Variants in PPARGC1A observed in about 807,000 individuals in gnomAD.
The protein encoded by PPARGC1A is peroxisome proliferator-activated receptor gamma coactivator 1-alpha.
A neutral mutation model predicts 88.7 loss-of-function variants in PPARGC1A; 25 were observed. The observed-to-expected ratio is 0.28, with a 90% CI of 0.21 to 0.39. The LOEUF (loss-of-function observed/expected upper bound fraction) is 0.39, where lower values mean the gene tolerates loss of function less well. PPARGC1A is among the 10% of genes least tolerant of loss of function. The pLI is 1.00. For missense variants in PPARGC1A, 880 were observed against 968.7 expected (o/e 0.91, Z 1.22); for synonymous variants, 363 against 355.6 (o/e 1.02, Z -0.24).
the PPARGC1A span, among the ~76,000 whole-genome samples, chr4:24,268,042 T>C: frequency 6.6e-6 from 1 of 152,236 alleles, no homozygotes. Context: ...ATCTCTGTGA[T>C]GTTGGAAGCA....
the PPARGC1A span, among the ~76,000 whole-genome samples, chr4:24,003,273 A>G: frequency 3.3e-5 from 5 of 152,266 alleles, no homozygotes; most frequent in South Asian, 6.2e-4. Flanking sequence ...AAGTTTTCTT[A>G]CCCTCCAAGT....
chr4:24,383,547 T>G, the PPARGC1A span, among the ~76,000 whole-genome samples: 1 of 152,044 alleles, frequency 6.6e-6, no homozygotes, highest in Non-Finnish European at 1.5e-5. Flanking sequence ...CTGATGGAGC[T>G]GAAAAACACA....
At chr4:23,881,418 C>T (rs1715913173) in intron 2 of PPARGC1A, 1 of 152,096 alleles carries the variant, frequency 6.6e-6, no homozygotes, top group Non-Finnish European at 1.5e-5. Context: ...CTGCCACCAC[C>T]CAGAATTCCC....
At chr4:24,136,494 C>A in the PPARGC1A span, among the ~76,000 whole-genome samples, 2 of 152,220 alleles carry the variant, frequency 1.3e-5, no homozygotes, top group East Asian at 3.9e-4. Context: ...TGAAGAGCCA[C>A]AAGAATAGCG....
chr4:24,263,904 C>T, the PPARGC1A span, among the ~76,000 whole-genome samples: 1,206 of 152,148 alleles, frequency 7.9e-3, 7 homozygotes, highest in Middle Eastern at 0.014. Context: ...TGTGCCCTAC[C>T]ATGCCCAGCT....
the PPARGC1A span, among the ~76,000 whole-genome samples, chr4:24,208,673 C>CAAA: frequency 9.4e-5 from 2 of 21,284 alleles, no homozygotes; most frequent in Non-Finnish European, 2.3e-4. Flanking sequence ...TCACCAAACT[C>CAAA]AGAAAAAAAA....
chr4:24,232,586 C>A, the PPARGC1A span, among the ~76,000 whole-genome samples: 1 of 152,196 alleles, frequency 6.6e-6, no homozygotes, highest in Admixed American at 6.5e-5. Flanking sequence ...CTGCTGGGAT[C>A]AATAAGCTGC....
At chr4:24,181,765 G>T in the PPARGC1A span, among the ~76,000 whole-genome samples, 1 of 152,208 alleles carries the variant, frequency 6.6e-6, no homozygotes, top group East Asian at 1.9e-4. Context: ...TAAAAGTAAA[G>T]TCCTACATGG....
the PPARGC1A span, among the ~76,000 whole-genome samples, chr4:24,412,340 ATTG>A: frequency 1.3e-5 from 2 of 152,096 alleles, no homozygotes; most frequent in Admixed American, 1.3e-4. Flanking sequence ...CCCACCACCT[ATTG>A]TTCCACAACC....
chr4:24,008,915 AAAATAT>A, the PPARGC1A span, among the ~76,000 whole-genome samples: 1 of 152,082 alleles, frequency 6.6e-6, no homozygotes, highest in Admixed American at 6.5e-5. Flanking sequence ...AGCAAAGATA[AAAATAT>A]GTGGGTTCTT....
At chr4:24,347,315 C>T in the PPARGC1A span, among the ~76,000 whole-genome samples, 866 of 152,248 alleles carry the variant, frequency 5.7e-3, 8 homozygotes, top group African/African-American at 0.02. Flanking sequence ...TCCATTGTTT[C>T]TTTGTTGACT....
chr4:24,160,142 A>G, the PPARGC1A span, among the ~76,000 whole-genome samples: 1 of 152,156 alleles, frequency 6.6e-6, no homozygotes. Context: ...ACCTCTCTGG[A>G]TTTTAGACCT....
the PPARGC1A span, among the ~76,000 whole-genome samples, chr4:24,451,559 G>T: frequency 0.051 from 7,693 of 152,046 alleles, 236 homozygotes; most frequent in Middle Eastern, 0.099. Context: ...GGGTTTTTTT[G>T]GGTTGTCTTT....
chr4:23,820,694 CA>C, intron 7 of PPARGC1A: 1 of 380,266 alleles, frequency 2.6e-6, no homozygotes, highest in South Asian at 1.9e-5. Flanking sequence ...AGGACAATCA[CA>C]AAGAAGTCAG....
At chr4:24,351,356 C>G in the PPARGC1A span, among the ~76,000 whole-genome samples, 13 of 147,012 alleles carry the variant, frequency 8.8e-5, no homozygotes, top group African/African-American at 3.0e-4. Flanking sequence ...GTGATCACAC[C>G]ACTGTTCCAG....
chr4:23,865,593 G>A (rs1711751076), intron 2 of PPARGC1A, among the ~76,000 whole-genome samples: 1 of 152,052 alleles, frequency 6.6e-6, no homozygotes, highest in African/African-American at 2.4e-5. Flanking sequence ...TATCAACATG[G>A]GTATCTCATT....
chr4:24,265,957 A>G, the PPARGC1A span, among the ~76,000 whole-genome samples: 22,066 of 151,726 alleles, frequency 0.15, 2,019 homozygotes, highest in Middle Eastern at 0.3. Context: ...GGAGTAAGGG[A>G]GTCATTGAAA....
chr4:23,828,917 C>T (rs1490773985), intron 4 of PPARGC1A, among the ~76,000 whole-genome samples: 2 of 152,172 alleles, frequency 1.3e-5, no homozygotes, highest in Non-Finnish European at 2.9e-5. Flanking sequence ...CTTAATTTGC[C>T]ACTGATTGCT....
chr4:24,281,749 TC>T, the PPARGC1A span, among the ~76,000 whole-genome samples: 11 of 152,052 alleles, frequency 7.2e-5, no homozygotes, highest in East Asian at 1.9e-4. Flanking sequence ...CTCTGTTTCT[TC>T]CCCCCCACCC....
Sources: allele counts gnomAD v4.1 joint callset (sites outside exome capture counted in the v4.1 genomes callset), GRCh38; gene constraint gnomAD v4.1.1; transcripts MANE v1.5; gene names NCBI Gene and HGNC (gene_info 2026-07-23, HGNC 2026-07-21).